The following HPSE2 variants were observed in gnomAD, a reference collection of about 807,000 sequenced individuals.
The protein encoded by HPSE2 is heparanase 2 (inactive).
HPSE2 carries 38 observed loss-of-function variants against 60.5 expected under a neutral mutation model. The observed-to-expected ratio is 0.63, with a 90% CI of 0.48 to 0.82. The LOEUF (loss-of-function observed/expected upper bound fraction) is 0.82. Among genes scored for constraint, HPSE2 ranks in the 40% least tolerant of loss-of-function variants. HPSE2 has a pLI of 0.00. For missense variants in HPSE2, 713 were observed against 740.4 expected (o/e 0.96, Z 0.43); for synonymous variants, 295 against 293.2 (o/e 1.01, Z -0.06).
chr10:99,035,729 G>A (rs182647232), intron 3 of HPSE2, among the ~76,000 whole-genome samples: 56 of 152,272 alleles, frequency 3.7e-4, no homozygotes, highest in African/African-American at 1.3e-3. Context: ...ATGTCATTAC[G>A]TGATAGGAAT....
chr10:98,729,082 T>C (rs573256435), intron 4 of HPSE2, among the ~76,000 whole-genome samples: 19 of 151,842 alleles, frequency 1.3e-4, no homozygotes, highest in Admixed American at 9.2e-4. Flanking sequence ...TTCTTTTACA[T>C]AAAAAGGCAT....
chr10:99,210,259 A>C (rs963955430), intron 2 of HPSE2, among the ~76,000 whole-genome samples: 10 of 152,188 alleles, frequency 6.6e-5, no homozygotes, highest in African/African-American at 2.2e-4. Context: ...AATAATGACT[A>C]AGGAGACTGA....
At chr10:98,573,502 A>G (rs2133903173) in intron 9 of HPSE2, among the ~76,000 whole-genome samples, 1 of 152,286 alleles carries the variant, frequency 6.6e-6, no homozygotes, top group African/African-American at 2.4e-5. Flanking sequence ...GGCCCACAAG[A>G]ATGAAGAGAA....
At chr10:98,864,374 C>T (rs1952534253) in intron 3 of HPSE2, among the ~76,000 whole-genome samples, 1 of 152,030 alleles carries the variant, frequency 6.6e-6, no homozygotes, top group Non-Finnish European at 1.5e-5. Flanking sequence ...TGGAGGAGAA[C>T]GAACCATTGT....
chr10:99,020,892 C>T (rs999040731), intron 3 of HPSE2, among the ~76,000 whole-genome samples: 2 of 152,080 alleles, frequency 1.3e-5, no homozygotes, highest in African/African-American at 4.8e-5. Flanking sequence ...CTTACAGGGC[C>T]AGGGAACACA....
At chr10:98,693,758 C>A in intron 6 of HPSE2, 142 bp downstream of exon 6, 1 of 754,050 alleles carries the variant, frequency 1.3e-6, no homozygotes, top group Non-Finnish European at 2.4e-6. Flanking sequence ...GCCATAAAAA[C>A]AACTTTGGAG....
chr10:98,476,561 A>C (rs1327658745), intron 11 of HPSE2, among the ~76,000 whole-genome samples: 1 of 152,104 alleles, frequency 6.6e-6, no homozygotes, highest in African/African-American at 2.4e-5. Flanking sequence ...AGGCTGCGGC[A>C]GGTGGATCAC....
At chr10:99,140,376 T>C (rs1845824855) in intron 3 of HPSE2, among the ~76,000 whole-genome samples, 1 of 152,216 alleles carries the variant, frequency 6.6e-6, no homozygotes, top group African/African-American at 2.4e-5. Flanking sequence ...ATGCCATCCA[T>C]CTATAATTAT....
At chr10:99,212,953 G>A (rs999886237) in intron 2 of HPSE2, among the ~76,000 whole-genome samples, 1 of 152,094 alleles carries the variant, frequency 6.6e-6, no homozygotes, top group African/African-American at 2.4e-5. Context: ...CTCAAGAAAT[G>A]TTTATTCCCT....
At chr10:99,285,204 G>A in the HPSE2 span, among the ~76,000 whole-genome samples, 1 of 151,786 alleles carries the variant, frequency 6.6e-6, no homozygotes, top group African/African-American at 2.4e-5. Context: ...CTGAATGGGA[G>A]TACTACTTGA....
intron 3 of HPSE2, among the ~76,000 whole-genome samples, chr10:98,906,114 C>T (rs1953809239): frequency 6.6e-6 from 1 of 152,180 alleles, no homozygotes; most frequent in Non-Finnish European, 1.5e-5. Flanking sequence ...GAAAGGCCAT[C>T]CCAGCTCCAG....
intron 9 of HPSE2, among the ~76,000 whole-genome samples, chr10:98,584,844 A>G (rs2133929494): frequency 6.6e-6 from 1 of 152,276 alleles, no homozygotes; most frequent in Non-Finnish European, 1.5e-5. Context: ...ATATTTGTGA[A>G]AGGAAGCCTG....
At chr10:99,271,731 C>G in the HPSE2 span, among the ~76,000 whole-genome samples, 1 of 152,144 alleles carries the variant, frequency 6.6e-6, no homozygotes. Flanking sequence ...TATTACATTA[C>G]CCAACTTCAA....
At chr10:99,089,926 T>C (rs1047076364) in intron 3 of HPSE2, among the ~76,000 whole-genome samples, 17 of 152,146 alleles carry the variant, frequency 1.1e-4, no homozygotes, top group Non-Finnish European at 2.1e-4. Flanking sequence ...ATTTTATTTT[T>C]CTGCAGCTAT....
chr10:98,738,832 GAGA>G (rs1949422505), intron 4 of HPSE2, among the ~76,000 whole-genome samples: 1 of 152,204 alleles, frequency 6.6e-6, no homozygotes, highest in African/African-American at 2.4e-5. Context: ...ACTGATGCTA[GAGA>G]AGATGTGGAG....
intron 3 of HPSE2, among the ~76,000 whole-genome samples, chr10:98,812,818 T>G (rs540757600): frequency 6.6e-6 from 1 of 152,304 alleles, no homozygotes; most frequent in South Asian, 2.1e-4. Flanking sequence ...TCTCTTCTTT[T>G]TTTTCCATAA....
intron 4 of HPSE2, among the ~76,000 whole-genome samples, chr10:98,728,150 G>A (rs1412470964): frequency 1.3e-5 from 2 of 151,984 alleles, no homozygotes; most frequent in Non-Finnish European, 2.9e-5. Context: ...ATGAATAACT[G>A]TAAAAAATAT....
At chr10:99,165,354 T>C (rs531390666) in intron 2 of HPSE2, among the ~76,000 whole-genome samples, 5 of 152,060 alleles carry the variant, frequency 3.3e-5, no homozygotes, top group Middle Eastern at 3.4e-3. Context: ...CTTCTCCAAG[T>C]TTCCAGTATG....
At chr10:98,594,444 T>C (rs1463250231) in intron 9 of HPSE2, among the ~76,000 whole-genome samples, 2 of 152,188 alleles carry the variant, frequency 1.3e-5, no homozygotes, top group African/African-American at 4.8e-5. Context: ...TTATTAGTTC[T>C]AATGGTTTTT....
Sources: allele counts gnomAD v4.1 joint callset (sites outside exome capture counted in the v4.1 genomes callset), GRCh38; gene constraint gnomAD v4.1.1; transcripts MANE v1.5; gene names NCBI Gene and HGNC (gene_info 2026-07-23, HGNC 2026-07-21).